PEPD: variants seen among roughly 807,000 people sequenced by gnomAD.
The protein encoded by PEPD is peptidase D, also known as xaa-Pro dipeptidase.
A neutral mutation model predicts 60.7 loss-of-function variants in PEPD; 53 were observed. The ratio of observed to expected loss-of-function variants is 0.87; its 90% confidence interval spans 0.70 to 1.10. The LOEUF (loss-of-function observed/expected upper bound fraction) is 1.10, where lower values mean the gene tolerates loss of function less well. PEPD is among the 50% of genes least tolerant of loss of function. The pLI is 0.00. For missense variants in PEPD, 711 were observed against 711.9 expected, an observed-to-expected ratio of 1.00 and a Z score of 0.01; for synonymous variants, 267 against 284.1, an observed-to-expected ratio of 0.94 and a Z score of 0.60.
Position 33,471,759 on chromosome 19 carries a change from C to T in PEPD, c.548+6287G>A, listed in dbSNP as rs888845689. 8.5e-5 allele frequency among the ~76,000 whole-genome samples: 13 copies of T among 152,300 alleles called. No homozygotes were observed. The South Asian group carries it at 1.2e-3, about 15-fold the overall frequency. On this transcript the variant is annotated intron_variant, in intron 7 of 14. Transcript: ENST00000244137. ...GCATGGTGGCTCTCACTTGTAATCC[C>T]GGCACCTTGGGAGGCCAAGGCTAGA...
intron 13 of PEPD, among the ~76,000 whole-genome samples, chr19:33,391,008 G>A (rs867760934): frequency 1.3e-5 from 2 of 152,132 alleles, no homozygotes; most frequent in Non-Finnish European, 1.5e-5. Context: ...CCCATGCACC[G>A]TATCCTGACT....
chr19:33,388,134 GC>G, intron 13 of PEPD, 53 bp from the exon 14 acceptor site: 1 of 1,448,044 alleles, frequency 6.9e-7, no homozygotes, highest in Non-Finnish European at 9.4e-7. Context: ...GCTCACCGTG[GC>G]CTCATCAGGA....
chr19:33,398,521 G>A (rs1968418233), intron 12 of PEPD, among the ~76,000 whole-genome samples: 3 of 152,240 alleles, frequency 2.0e-5, no homozygotes, highest in South Asian at 2.1e-4. Flanking sequence ...AGGGCTCTCC[G>A]TGGAGGGTAC....
At chr19:33,512,519 G>C (rs1294573323) in intron 2 of PEPD, 74 bp downstream of exon 2, 18 of 1,458,666 alleles carry the variant, frequency 1.2e-5, no homozygotes, top group Non-Finnish European at 1.6e-5. Flanking sequence ...GGCCAAGCTG[G>C]GGCCTCCAAC....
At chr19:33,402,320 C>G (rs560537301) in intron 11 of PEPD, among the ~76,000 whole-genome samples, 19 of 152,360 alleles carry the variant, frequency 1.2e-4, no homozygotes, top group Admixed American at 9.8e-4. Flanking sequence ...CAGCACAGAG[C>G]ACAGGCTGAG....
intron 12 of PEPD, among the ~76,000 whole-genome samples, chr19:33,396,569 G>A (rs1034625602): frequency 1.3e-5 from 2 of 152,172 alleles, no homozygotes; most frequent in African/African-American, 4.8e-5. Context: ...GCGGGGGAAC[G>A]AAACACAAAA....
intron 6 of PEPD, among the ~76,000 whole-genome samples, chr19:33,480,486 G>A (rs1380577544): frequency 6.6e-6 from 1 of 152,202 alleles, no homozygotes; most frequent in Non-Finnish European, 1.5e-5. Context: ...CAATTAGACA[G>A]AAGATTAAAA....
chr19:33,495,067 C>T (rs1181692286), intron 4 of PEPD, among the ~76,000 whole-genome samples: 5 of 151,330 alleles, frequency 3.3e-5, no homozygotes, highest in African/African-American at 9.7e-5. Context: ...ACCCAGGAGG[C>T]GGAGCTTGCA....
chr19:33,503,126 G>A (rs1319100229), intron 3 of PEPD, among the ~76,000 whole-genome samples: 2 of 152,132 alleles, frequency 1.3e-5, no homozygotes, highest in African/African-American at 2.4e-5. Flanking sequence ...ATCACCTGCA[G>A]GAAACAGAAT....
chr19:33,413,590 G>T lies in PEPD; in HGVS notation c.725C>A (p.Thr242Asn), dbSNP rs1364736548. ...SRGGMRHSSY[T>N]CICGSGENSA... ...CCCCGCTTACCTGCCGCAGATGCAG[G>T]TGTAGGAGCTGTGGCGCATGCCGCC... The change falls in exon 10 of 15, where the codon ACC becomes AAC. Residue 242 changes from threonine to asparagine, a missense_variant. Transcript: ENST00000244137. 1 of 1,580,354 alleles carries T rather than the reference G, an allele frequency of 6.3e-7. No homozygotes were observed. The highest frequency in any genetic ancestry group is 1.8e-5 in the Admixed American group (1 of 56,144).
intron 9 of PEPD, among the ~76,000 whole-genome samples, chr19:33,438,456 C>G (rs1345259520): frequency 2.0e-5 from 3 of 152,242 alleles, no homozygotes; most frequent in African/African-American, 7.2e-5. Flanking sequence ...CTCCCCTGCC[C>G]TTTGCCTTAT....
At chr19:33,453,441 C>T (rs190662727) in intron 9 of PEPD, among the ~76,000 whole-genome samples, 1,699 of 152,286 alleles carry the variant, frequency 0.011, 26 homozygotes, top group South Asian at 0.071. Context: ...GCCTTGCTTT[C>T]TTTTTTTAGA....
rs1472900866 is a variant in PEPD, at chr19:33,387,338, C to A, written c.*6G>T. 1 of 1,613,832 alleles carries A rather than the reference C, an allele frequency of 6.2e-7. No individual in the cohort carries two copies. Among genetic ancestry groups the A allele is most frequent in the Non-Finnish European group, 8.5e-7 (1 of 1,180,008 alleles). ...CCCCCAGGTGCGCTGGGATTTCTGGCTGGCTCTACTTGGGGCCAGAGAAGG... is the reference window on the plus strand; with the variant it reads ...CCCCCAGGTGCGCTGGGATTTCTGGATGGCTCTACTTGGGGCCAGAGAAGG... On this transcript the variant is annotated 3_prime_UTR_variant, in exon 15 of 15. Coordinates refer to ENST00000244137, the MANE Select transcript of PEPD (RefSeq NM_000285.4).
intron 7 of PEPD, among the ~76,000 whole-genome samples, chr19:33,473,079 G>C (rs919504764): frequency 6.6e-6 from 1 of 152,160 alleles, no homozygotes; most frequent in Non-Finnish European, 1.5e-5. Context: ...GGCAGACGTG[G>C]GGCAGAGGTC....
chr19:33,393,581 C>T (rs1435060419), intron 12 of PEPD, among the ~76,000 whole-genome samples: 1 of 148,120 alleles, frequency 6.8e-6, no homozygotes, highest in South Asian at 2.1e-4. Context: ...ACAAGGCAGG[C>T]CCCGGGGGGT....
chr19:33,470,412 GCCT>G (rs1318699362), intron 7 of PEPD, among the ~76,000 whole-genome samples: 3 of 151,896 alleles, frequency 2.0e-5, no homozygotes, highest in Non-Finnish European at 4.4e-5. Context: ...TGCTCTCCCA[GCCT>G]CCTCCCTCCT....
chr19:33,407,808 A>G (rs936517433), intron 11 of PEPD, among the ~76,000 whole-genome samples: 3 of 152,192 alleles, frequency 2.0e-5, no homozygotes, highest in African/African-American at 2.4e-5. Flanking sequence ...CAGGCCCCAC[A>G]TGGGGCCGCT....
chr19:33,495,012 T>C (rs549917724), intron 4 of PEPD, among the ~76,000 whole-genome samples: 1 of 151,504 alleles, frequency 6.6e-6, no homozygotes, highest in Non-Finnish European at 1.5e-5. Context: ...GGCGGGTGCC[T>C]GTAGTCCCAG....
chr19:33,489,167 C>G (rs1486331836), intron 6 of PEPD, among the ~76,000 whole-genome samples: 1 of 152,128 alleles, frequency 6.6e-6, no homozygotes, highest in Non-Finnish European at 1.5e-5. Flanking sequence ...TGTCCTCCTG[C>G]CTGGAGAGAA....
Sources: gnomAD v4.1 joint callset for allele counts (sites outside exome capture counted in the v4.1 genomes callset) on GRCh38, gnomAD v4.1.1 for gene constraint, MANE v1.5 for transcripts, NCBI Gene and HGNC (gene_info 2026-07-23, HGNC 2026-07-21) for gene names.